Variants in ARNT2 observed in about 807,000 individuals in gnomAD.
The protein encoded by ARNT2 is ARNT protein 2.
ARNT2 carries 36 observed loss-of-function variants against 91.7 expected under a neutral mutation model. The ratio of observed to expected loss-of-function variants is 0.39; its 90% CI spans 0.30 to 0.52. The LOEUF (loss-of-function observed/expected upper bound fraction) is 0.52. ARNT2 is among the 20% of genes least tolerant of loss of function. ARNT2 has a pLI of 0.72. For missense variants in ARNT2, 775 were observed against 939.3 expected (o/e 0.83, Z 2.29); for synonymous variants, 365 against 347.1 (o/e 1.05, Z -0.57).
Position 80,591,494 on chromosome 15 carries a change from C to T in ARNT2, c.1919-74C>T, listed in dbSNP as rs770298091. 32 of 1,584,618 alleles carry T rather than the reference C, an allele frequency of 2.0e-5. No homozygotes were observed. The highest frequency in any genetic ancestry group is 5.1e-5 in the Admixed American group (3 of 59,156). On this transcript the variant is annotated intron_variant, in intron 17 of 18. Transcript: ENST00000303329. The surrounding 1 kb of genome is among the most constrained non-coding windows in gnomAD (Gnocchi z 5.1). ...TTTCAGAAGCGGGAGGCCCTCCAGC[C>T]GCAGTGGTTCTTAGGTCTCACAGAA...
At chr15:80,488,919 T>G (rs894806412) in intron 5 of ARNT2, among the ~76,000 whole-genome samples, 3 of 152,194 alleles carry the variant, frequency 2.0e-5, no homozygotes, top group Non-Finnish European at 2.9e-5. Flanking sequence ...ATCCTAACTT[T>G]GATGTTCAGG....
At chr15:80,452,662 G>T (rs907092246) in intron 2 of ARNT2, among the ~76,000 whole-genome samples, 1 of 152,216 alleles carries the variant, frequency 6.6e-6, no homozygotes, top group African/African-American at 2.4e-5. Flanking sequence ...ACAGGGCTCT[G>T]TGAGGAGGGA....
At chr15:80,588,756 A>T (rs1893221358) in intron 17 of ARNT2, among the ~76,000 whole-genome samples, 1 of 152,146 alleles carries the variant, frequency 6.6e-6, no homozygotes, top group South Asian at 2.1e-4. Flanking sequence ...TTCTGGTGTC[A>T]TCTGAGATCT....
intron 1 of ARNT2, among the ~76,000 whole-genome samples, chr15:80,428,846 A>G (rs1895969116): frequency 6.6e-6 from 1 of 152,158 alleles, no homozygotes; most frequent in African/African-American, 2.4e-5. Flanking sequence ...GACAAATATA[A>G]TTTTGCGATG....
chr15:80,527,044 G>A (rs2141438159), intron 8 of ARNT2, among the ~76,000 whole-genome samples: 1 of 152,342 alleles, frequency 6.6e-6, no homozygotes, highest in South Asian at 2.1e-4. Flanking sequence ...ACCTCACCAG[G>A]CATCAAAGCC....
intron 17 of ARNT2, among the ~76,000 whole-genome samples, chr15:80,584,005 A>T (rs1307101547): frequency 1.3e-5 from 2 of 152,244 alleles, no homozygotes; most frequent in Non-Finnish European, 2.9e-5. Flanking sequence ...TCAGTGCATC[A>T]TGTGTTACCT....
chr15:80,582,274 C>T (rs569345604), intron 17 of ARNT2, among the ~76,000 whole-genome samples: 58 of 150,084 alleles, frequency 3.9e-4, no homozygotes, highest in African/African-American at 1.4e-3. Flanking sequence ...GGCAGATCAC[C>T]GGAGCCCAGG....
In ARNT2 at chr15:80,405,604, A is replaced by G. The variant is rs182147603; in HGVS notation, c.31+1058A>G. ...GCCAGGGAAGGCTTCTGGAGATTGGACATTTCGGCTGAACCTTGAAAACGG... is the reference window on the plus strand; with the variant it reads ...GCCAGGGAAGGCTTCTGGAGATTGGGCATTTCGGCTGAACCTTGAAAACGG... On this transcript the variant is annotated intron_variant, in intron 1 of 18. Transcript: ENST00000303329. Among the ~76,000 whole-genome samples the G allele has an allele frequency of 3.2e-3, 492 of 152,318 alleles. 2 individuals are homozygous for G. The highest frequency in any genetic ancestry group is 6.0e-3 in the Non-Finnish European group (410 of 68,022).
chr15:80,543,094 C>CA (rs368917679), intron 8 of ARNT2, among the ~76,000 whole-genome samples: 2,186 of 86,500 alleles, frequency 0.025, 181 homozygotes, highest in Non-Finnish European at 0.033. Context: ...CAGACCCGGT[C>CA]AAAAAAAAAA....
intron 3 of ARNT2, among the ~76,000 whole-genome samples, chr15:80,466,873 A>G (rs1431945380): frequency 2.0e-5 from 3 of 152,270 alleles, no homozygotes; most frequent in Admixed American, 6.5e-5. Flanking sequence ...CCCTAAGGCC[A>G]TCTTCTTCAT....
intron 1 of ARNT2, among the ~76,000 whole-genome samples, chr15:80,443,844 C>T (rs1015795419): frequency 5.9e-5 from 9 of 152,092 alleles, no homozygotes; most frequent in Non-Finnish European, 1.0e-4. Context: ...GGGTGACAGA[C>T]GAGAGAAGGT....
chr15:80,575,461 G>A (rs1406796011), intron 14 of ARNT2, among the ~76,000 whole-genome samples: 1 of 152,200 alleles, frequency 6.6e-6, no homozygotes, highest in Non-Finnish European at 1.5e-5. Flanking sequence ...ACCGAAGGAG[G>A]GAGAACTGTC....
At chr15:80,430,648 T>C (rs1364225930) in intron 1 of ARNT2, among the ~76,000 whole-genome samples, 1 of 152,238 alleles carries the variant, frequency 6.6e-6, no homozygotes, top group Non-Finnish European at 1.5e-5. Context: ...AGGGCTGGAA[T>C]CTGCCTGATT....
chr15:80,575,049 T>C lies in ARNT2; in HGVS notation c.1452T>C (p.Asp484=), dbSNP rs1446931815. The change falls in exon 14 of 19, where the codon GAT becomes GAC. Residue 484 remains aspartate (D), a synonymous_variant. Transcript: ENST00000303329. The stretch of plus-strand genomic sequence containing the variant: ...CCGGGAAGTCCGTGGAAAAGGCGGA[T>C]GCAATCTTCTCCCAGGAAAGAGATC... ...HEAGKSVEKA[D]AIFSQERDPR... 6.2e-7 allele frequency: 1 copy of C among 1,614,208 alleles called. No homozygotes were observed. Among genetic ancestry groups the C allele is most frequent in the Admixed American group, 1.7e-5 (1 of 60,026 alleles).
rs747921990 is a variant in ARNT2, at chr15:80,450,925, C to T, written c.77C>T (p.Pro26Leu). 1 of 1,614,212 alleles carries T rather than the reference C, an allele frequency of 6.2e-7. No homozygotes were observed. The highest frequency in any genetic ancestry group is 8.5e-7 in the Non-Finnish European group (1 of 1,180,046). Residue 26 changes from proline to leucine, a missense_variant, in exon 2 of 19, where the codon CCC becomes CTC. Coordinates refer to ENST00000303329, the MANE Select transcript of ARNT2 (RefSeq NM_014862.4). ...IPGSVTLPVA[P>L]MAATGQVRMA... ...GGATCTGTGACGTTGCCCGTTGCCC[C>T]CATGGCGGCCACCGGACAGGTGAGG... is the stretch of plus-strand genomic sequence containing the variant.
chr15:80,450,963 A>G lies in ARNT2; in HGVS notation c.115A>G (p.Met39Val), dbSNP rs752021030. 7 of 1,613,930 alleles carry G rather than the reference A, an allele frequency of 4.3e-6. No individual in the cohort carries two copies. The highest frequency in any genetic ancestry group is 1.7e-5 in the Admixed American group (1 of 60,004). ...ATGQVRMAGA[M>V]PARGGKRRSG... ...CGGACAGGTGAGGATGGCGGGGGCC[A>G]TGCCTGCCCGTGGAGGAAAGCGGCG... Residue 39 changes from methionine to valine, a missense_variant, in exon 2 of 19, where the codon ATG becomes GTG. By Grantham distance (21) the Met-to-Val change is conservative. Transcript: ENST00000303329.
chr15:80,519,414 G>A (rs1265638176), intron 8 of ARNT2, among the ~76,000 whole-genome samples: 6 of 152,166 alleles, frequency 3.9e-5, no homozygotes, highest in African/African-American at 7.2e-5. Flanking sequence ...ATTGGTGGGG[G>A]CAGGGGGCTG....
At chr15:80,569,441 T>C (rs2141472911) in intron 12 of ARNT2, among the ~76,000 whole-genome samples, 1 of 152,284 alleles carries the variant, frequency 6.6e-6, no homozygotes, top group South Asian at 2.1e-4. Context: ...GAGGTTTATT[T>C]TTATACCATT....
At chr15:80,544,703 A>T (rs912332525) in intron 8 of ARNT2, among the ~76,000 whole-genome samples, 1 of 152,206 alleles carries the variant, frequency 6.6e-6, no homozygotes, top group African/African-American at 2.4e-5. Flanking sequence ...ATCACACCTA[A>T]AGTACTGTGG....
Sources: gnomAD v4.1 joint callset for allele counts (sites outside exome capture counted in the v4.1 genomes callset) on GRCh38, gnomAD v4.1.1 for gene constraint, Gnocchi (gnomAD v3.1) non-coding constraint, MANE v1.5 for transcripts, NCBI Gene and HGNC (gene_info 2026-07-23, HGNC 2026-07-21) for gene names.